Variants in GREM1 observed in about 807,000 individuals in gnomAD.
GREM1 encodes the protein gremlin-1.
In GREM1, 6 loss-of-function variants were observed where a neutral mutation model predicts 13.1. The ratio of observed to expected loss-of-function variants is 0.46; its 90% CI spans 0.25 to 0.91. GREM1 has a LOEUF of 0.91. GREM1 is among the 40% of genes least tolerant of loss of function. The pLI, the probability that GREM1 is intolerant of heterozygous loss-of-function variation, is 0.18. For synonymous variants in GREM1, 98 were observed against 93.7 expected, an observed-to-expected ratio of 1.05 and a Z score of -0.27; for missense variants, 185 against 233.9, an observed-to-expected ratio of 0.79 and a Z score of 1.36.
At chr15:32,718,436 C>T (rs531268660) in intron 1 of GREM1, 3 of 474,160 alleles carry the variant, frequency 6.3e-6, no homozygotes, top group Admixed American at 2.3e-5. Flanking sequence ...TTCCACCTCC[C>T]GGAGGCCCCC....
intron 1 of GREM1, among the ~76,000 whole-genome samples, chr15:32,726,185 C>T (rs2140680070): frequency 6.6e-6 from 1 of 152,252 alleles, no homozygotes; most frequent in South Asian, 2.1e-4. Flanking sequence ...CACCCCAAAT[C>T]AACAGAATAT....
intron 1 of GREM1, 175 bp downstream of exon 1, chr15:32,718,336 G>A: frequency 1.9e-6 from 1 of 533,278 alleles, no homozygotes; most frequent in Non-Finnish European, 3.5e-6. Context: ...TGCTGAGGCC[G>A]CGGACACCGT....
At chr15:32,725,300 G>T (rs2055481423) in intron 1 of GREM1, among the ~76,000 whole-genome samples, 1 of 152,106 alleles carries the variant, frequency 6.6e-6, no homozygotes, top group Non-Finnish European at 1.5e-5. Flanking sequence ...AACATCTGTT[G>T]TTTCCTGACT....
intron 1 of GREM1, among the ~76,000 whole-genome samples, chr15:32,728,130 A>G (rs1472557287): frequency 6.6e-6 from 1 of 152,220 alleles, no homozygotes; most frequent in Non-Finnish European, 1.5e-5. Context: ...AATTAGAAAA[A>G]AACTACTTTA....
intron 1 of GREM1, among the ~76,000 whole-genome samples, chr15:32,724,206 G>A (rs572369866): frequency 6.6e-6 from 1 of 152,338 alleles, no homozygotes; most frequent in South Asian, 2.1e-4. Flanking sequence ...TTGGTTCAGA[G>A]AAATAAAATT....
At chr15:32,720,546 G>A (rs2055388483) in intron 1 of GREM1, among the ~76,000 whole-genome samples, 1 of 152,148 alleles carries the variant, frequency 6.6e-6, no homozygotes, top group Non-Finnish European at 1.5e-5. Flanking sequence ...TAGGGGAGGT[G>A]ACTGCAGCCT....
rs192905956 is a variant in GREM1, at chr15:32,731,949, G to C, written c.*704G>C. The stretch of plus-strand genomic sequence containing the variant: ...ATCAGGTCCAGCAAAAGTCAGTAGG[G>C]ACATTGCAGAAGCTTGAAAGGCCAA... On this transcript the variant is annotated 3_prime_UTR_variant, in exon 2 of 2. Transcript: ENST00000651154. The C allele has an allele frequency of 4.3e-6, 1 of 232,316 alleles. No homozygotes were observed. The highest frequency in any genetic ancestry group is 1.9e-4 in the South Asian group (1 of 5,390). The allele number at this position is 232,316 out of a possible 1,614,324, so 14.4% of individuals were successfully genotyped here. A position where few individuals can be genotyped will look rare whatever the true frequency, so the allele number is the denominator to read the frequency against.
Position 32,733,556 on chromosome 15 carries a change from G to GT in GREM1, c.*2312dup, listed in dbSNP as rs1271519064. On this transcript the variant is annotated 3_prime_UTR_variant, in exon 2 of 2. Coordinates refer to ENST00000651154, the MANE Select transcript of GREM1 (RefSeq NM_013372.7). ...TAACTTCACTGGGATAATCAGCAGC[G>GT]TAACTACCCTAAAAGCATATCACTA... 4.3e-6 allele frequency: 1 copy of GT among 233,300 alleles called. No homozygotes were observed. 14.5% of individuals were successfully genotyped at this position (233,300 alleles called of 1,614,324 possible).
In GREM1 at chr15:32,732,405, A is replaced by G; in HGVS notation, c.*1160A>G. 1 of 244,740 alleles carries G rather than the reference A, an allele frequency of 4.1e-6. No homozygotes were observed. The highest frequency in any genetic ancestry group is 8.6e-6 in the Non-Finnish European group (1 of 115,962). 15.2% of individuals were successfully genotyped at this position (244,740 alleles called of 1,614,324 possible). A position where few individuals can be genotyped will look rare whatever the true frequency, so the allele number is the denominator to read the frequency against. On this transcript the variant is annotated 3_prime_UTR_variant, in exon 2 of 2. Transcript: ENST00000651154. ...GTGTACCTGACAGTAGTCTAAGATG[A>G]GAGAGTTTAGGGACTACTCTGTTTT...
Position 32,738,125 on chromosome 15 carries a change from A to AAAAAAAAAAAAAAAAAAAAAAAAC in GREM1, c.*6888_*6889insAAAAAAAAAAAAAAACAAAAAAAA. ...AAAAAAAAAAAAAAAAAAAAAAAAA[A>AAAAAAAAAAAAAAAAAAAAAAAAC]AAAAAAAAGAAAAGAAAAAAGTCAT... On this transcript the variant is annotated 3_prime_UTR_variant, in exon 2 of 2. Coordinates refer to ENST00000651154, the MANE Select transcript of GREM1 (RefSeq NM_013372.7). 9 of 27,966 alleles carry AAAAAAAAAAAAAAAAAAAAAAAAC rather than the reference A, an allele frequency of 3.2e-4. 2 individuals are homozygous for AAAAAAAAAAAAAAAAAAAAAAAAC. Among genetic ancestry groups the AAAAAAAAAAAAAAAAAAAAAAAAC allele is most frequent in the East Asian group, 3.8e-3 (2 of 524 alleles). 1.7% of individuals were successfully genotyped at this position (27,966 alleles called of 1,614,324 possible). A position where few individuals can be genotyped will look rare whatever the true frequency, so the allele number is the denominator to read the frequency against.
rs151194761 is a variant in GREM1 at position 32,734,458 on chromosome 15, G to A, written c.*3213G>A. On this transcript the variant is annotated 3_prime_UTR_variant, in exon 2 of 2. Transcript: ENST00000651154. ...TAATATCAACTGCATTATGTATTAT[G>A]TCTGCTTAAATCATTTAAAAACGGC... The A allele has an allele frequency of 6.1e-3, 1,497 of 246,380 alleles. 8 individuals are homozygous for A. Among genetic ancestry groups the A allele is most frequent in the Non-Finnish European group, 5.1e-3 (597 of 117,132 alleles). 15.3% of individuals were successfully genotyped at this position (246,380 alleles called of 1,614,324 possible).
At chr15:32,724,830 T>G (rs1204758253) in intron 1 of GREM1, among the ~76,000 whole-genome samples, 1 of 146,796 alleles carries the variant, frequency 6.8e-6, no homozygotes, top group Non-Finnish European at 1.5e-5. Flanking sequence ...GATGTTCCCC[T>G]CCCTGTGTCC....
At position 32,732,226 on chromosome 15, in the gene GREM1, G is replaced by T; in HGVS notation, c.*981G>T. The T allele has an allele frequency of 4.2e-6, 1 of 239,470 alleles. No homozygotes were observed. The highest frequency in any genetic ancestry group is 8.9e-6 in the Non-Finnish European group (1 of 112,928). 14.8% of individuals were successfully genotyped at this position (239,470 alleles called of 1,614,324 possible). ...AAAGAGAGGTAGTTTAGAACTCTCT[G>T]CATAGGGGTGGGAATTAATCAAAAA... On this transcript the variant is annotated 3_prime_UTR_variant, in exon 2 of 2. Transcript: ENST00000651154.
chr15:32,739,166 C>G lies in GREM1; in HGVS notation c.*7921C>G, dbSNP rs2055740264. The G allele has an allele frequency of 6.6e-6, 1 of 152,130 alleles. No homozygotes were observed. Among genetic ancestry groups the G allele is most frequent in the African/African-American group, 2.4e-5 (1 of 41,404 alleles). 9.4% of individuals were successfully genotyped at this position (152,130 alleles called of 1,614,324 possible). On this transcript the variant is annotated 3_prime_UTR_variant, in exon 2 of 2. Transcript: ENST00000651154. ...GTATGTAGAAATCCTAAGGAATTTA[C>G]AAAAGAACTGCTACCCTGAAAGAAT...
chr15:32,734,173 T>C lies in GREM1; in HGVS notation c.*2928T>C. ...AGCTGAACATGTCTTCCTGAGTCAGTGCCTGAATCTTTATTTTTTAAATTG... is the reference window on the plus strand; with the variant it reads ...AGCTGAACATGTCTTCCTGAGTCAGCGCCTGAATCTTTATTTTTTAAATTG... On this transcript the variant is annotated 3_prime_UTR_variant, in exon 2 of 2. Coordinates refer to ENST00000651154, the MANE Select transcript of GREM1 (RefSeq NM_013372.7). The C allele has an allele frequency of 4.1e-6, 1 of 241,162 alleles. No homozygotes were observed. Among genetic ancestry groups the C allele is most frequent in the East Asian group, 6.4e-5 (1 of 15,542 alleles). The allele number at this position is 241,162 out of a possible 1,614,324, so 14.9% of individuals were successfully genotyped here. A position where few individuals can be genotyped will look rare whatever the true frequency, so the allele number is the denominator to read the frequency against.
rs2055728002 is a variant in GREM1 at position 32,738,127 on chromosome 15, A to G, written c.*6882A>G. 7.1e-6 allele frequency: 1 copy of G among 140,420 alleles called. No homozygotes were observed. The highest frequency in any genetic ancestry group is 1.5e-5 in the Non-Finnish European group (1 of 64,586). 8.7% of individuals were successfully genotyped at this position (140,420 alleles called of 1,614,324 possible). The stretch of plus-strand genomic sequence containing the variant: ...AAAAAAAAAAAAAAAAAAAAAAAAA[A>G]AAAAAAGAAAAGAAAAAAGTCATCC... On this transcript the variant is annotated 3_prime_UTR_variant, in exon 2 of 2. Transcript: ENST00000651154.
In GREM1 at chr15:32,739,768, G is replaced by A. The variant is rs948213257; in HGVS notation, c.*8523G>A. ...AGAGATTTGAGATACCACCTTGTCC[G>A]AATCCCTAACCCCAGCACAGTGCCA... On this transcript the variant is annotated 3_prime_UTR_variant, in exon 2 of 2. Coordinates refer to ENST00000651154, the MANE Select transcript of GREM1 (RefSeq NM_013372.7). 1.3e-5 allele frequency: 2 copies of A among 152,188 alleles called. No individual in the cohort carries two copies. The highest frequency in any genetic ancestry group is 1.9e-4 in the East Asian group (1 of 5,196). The allele number at this position is 152,188 out of a possible 1,614,324, so 9.4% of individuals were successfully genotyped here.
intron 1 of GREM1, among the ~76,000 whole-genome samples, chr15:32,719,893 AG>A (rs926423752): frequency 6.6e-6 from 1 of 151,946 alleles, no homozygotes. Flanking sequence ...GAGAGTCTTG[AG>A]GGGGGGATGT....
chr15:32,724,795 C>A (rs1763960278), intron 1 of GREM1, among the ~76,000 whole-genome samples: 2 of 152,034 alleles, frequency 1.3e-5, no homozygotes, highest in African/African-American at 2.4e-5. Context: ...CCTAGCCCCC[C>A]ACCCCTCGAC....
Sources: gnomAD v4.1 joint callset for allele counts (sites outside exome capture counted in the v4.1 genomes callset) on GRCh38, gnomAD v4.1.1 for gene constraint, MANE v1.5 for transcripts, NCBI Gene and HGNC (gene_info 2026-07-23, HGNC 2026-07-21) for gene names.